Variants in TG observed in about 807,000 individuals in gnomAD.
The protein encoded by TG is thyroglobulin.
A neutral mutation model predicts 324.7 loss-of-function variants in TG; 270 were observed. That is an observed-to-expected ratio of 0.83 (90% CI 0.75 to 0.92). The LOEUF is 0.92. TG is among the 40% of genes least tolerant of loss of function. The probability of loss-of-function intolerance (pLI) is 0.00; values close to 1 mark genes in which losing one functional copy is unlikely to be tolerated. For missense variants in TG, 3,591 were observed against 3,456.4 expected (o/e 1.04, Z -0.98); for synonymous variants, 1,401 against 1,327.0 (o/e 1.06, Z -1.21).
chr8:133,097,646 T>A (rs188293179), intron 43 of TG, among the ~76,000 whole-genome samples: 39 of 152,352 alleles, frequency 2.6e-4, no homozygotes, highest in Non-Finnish European at 4.1e-4. Flanking sequence ...TGTATATTTG[T>A]ATGTTTTTCT....
chr8:133,002,376 A>G (rs1833603289), intron 35 of TG: 1 of 985,492 alleles, frequency 1.0e-6, no homozygotes, highest in East Asian at 1.1e-4. Flanking sequence ...AATATTTCAT[A>G]AATAATATCT....
At chr8:132,944,123 G>A (rs1292882172) in intron 26 of TG, among the ~76,000 whole-genome samples, 3 of 152,164 alleles carry the variant, frequency 2.0e-5, no homozygotes, top group Non-Finnish European at 4.4e-5. Flanking sequence ...AAGGGCACCT[G>A]AGCCACAGAC....
rs535926823 is a variant in TG, at chr8:132,983,459, T to C, written c.6262+47T>C. 17 of 1,535,874 alleles carry C rather than the reference T, an allele frequency of 1.1e-5. No individual in the cohort carries two copies. The African/African-American group carries it at 2.3e-4, about 21-fold the overall frequency. ...CTCTTGGATGAGAGTACCCCCTCATTCATCTTCTTTCTCCTCTTCCCCCTT... is the reference window on the plus strand; with the variant it reads ...CTCTTGGATGAGAGTACCCCCTCATCCATCTTCTTTCTCCTCTTCCCCCTT... On this transcript the variant is annotated intron_variant, in intron 35 of 47. Coordinates refer to ENST00000220616, the MANE Select transcript of TG (RefSeq NM_003235.5).
At chr8:132,997,950 T>A (rs1833037707) in intron 35 of TG, among the ~76,000 whole-genome samples, 1 of 152,116 alleles carries the variant, frequency 6.6e-6, no homozygotes, top group Non-Finnish European at 1.5e-5. Flanking sequence ...GGTTAAAGTG[T>A]TTTTCTTACA....
chr8:133,016,578 T>C (rs887368434), intron 37 of TG, among the ~76,000 whole-genome samples: 4 of 152,252 alleles, frequency 2.6e-5, no homozygotes, highest in Non-Finnish European at 2.9e-5. Context: ...CATATTTTTA[T>C]AGAAGGATCT....
intron 45 of TG, among the ~76,000 whole-genome samples, chr8:133,124,564 C>T (rs939590894): frequency 6.6e-6 from 1 of 152,194 alleles, no homozygotes; most frequent in East Asian, 1.9e-4. Context: ...ATTTCCTCAC[C>T]TTTAAAATAG....
intron 27 of TG, among the ~76,000 whole-genome samples, chr8:132,952,061 GGA>G: frequency 6.6e-6 from 1 of 152,256 alleles, no homozygotes; most frequent in Non-Finnish European, 1.5e-5. Flanking sequence ...TTTAACAACG[GGA>G]TAGATGGTTG....
intron 19 of TG, 66 bp downstream of exon 19, chr8:132,911,599 C>A: frequency 1.5e-6 from 2 of 1,374,816 alleles, no homozygotes; most frequent in Non-Finnish European, 2.1e-6. Flanking sequence ...GTTTTCTCAT[C>A]TGCCAAATGG....
chr8:132,922,562 T>C (rs900445214), intron 21 of TG, among the ~76,000 whole-genome samples: 3 of 152,236 alleles, frequency 2.0e-5, no homozygotes, highest in African/African-American at 7.2e-5. Context: ...TGGGCCTGAC[T>C]GGGCTGGGAC....
chr8:133,016,979 T>C (rs956810554), intron 37 of TG, among the ~76,000 whole-genome samples: 1 of 152,024 alleles, frequency 6.6e-6, no homozygotes, highest in Non-Finnish European at 1.5e-5. Flanking sequence ...GATTTGGACA[T>C]GAAAAAATGG....
intron 22 of TG, among the ~76,000 whole-genome samples, chr8:132,926,727 C>T (rs1002329000): frequency 7.2e-5 from 11 of 152,118 alleles, no homozygotes; most frequent in African/African-American, 2.4e-5. Flanking sequence ...GAGTGGTTAC[C>T]ATATACCATA....
chr8:133,029,910 G>C lies in TG; in HGVS notation c.7126G>C (p.Asp2376His). The C allele has an allele frequency of 6.2e-7, 1 of 1,614,220 alleles. No homozygotes were observed. Among genetic ancestry groups the C allele is most frequent in the African/African-American group, 1.3e-5 (1 of 75,062 alleles). The stretch of plus-strand genomic sequence containing the variant: ...GACCCACATCCGAGGATTTGGCGGG[G>C]ACCCTCGGCGCGTGTCCCTGGCAGC... ...VQTHIRGFGG[D>H]PRRVSLAADR... The change falls in exon 41 of 48, where the codon GAC becomes CAC. Residue 2376 changes from aspartate (D) to histidine (H), a missense_variant. Asp to His is a moderately conservative substitution (Grantham distance 81). Transcript: ENST00000220616.
intron 14 of TG, 82 bp downstream of exon 14, chr8:132,898,992 C>A: frequency 8.1e-7 from 1 of 1,228,842 alleles, no homozygotes; most frequent in South Asian, 1.3e-5. Flanking sequence ...TCAATACGTT[C>A]AGCTTAGTTA....
At chr8:133,095,452 A>C (rs1848267979) in intron 42 of TG, among the ~76,000 whole-genome samples, 1 of 152,192 alleles carries the variant, frequency 6.6e-6, no homozygotes, top group Non-Finnish European at 1.5e-5. Flanking sequence ...TATTTATAAC[A>C]TGGGAATAGT....
intron 35 of TG, chr8:133,001,906 G>T (rs1833547380): frequency 2.0e-5 from 20 of 985,402 alleles, no homozygotes; most frequent in Non-Finnish European, 2.4e-5. Context: ...CCATATTCAG[G>T]AGCAATCACT....
At chr8:133,052,221 G>A (rs1192753909) in intron 41 of TG, among the ~76,000 whole-genome samples, 1 of 152,222 alleles carries the variant, frequency 6.6e-6, no homozygotes, top group East Asian at 1.9e-4. Flanking sequence ...ACTAGAATCA[G>A]TGAGAAAGAT....
chr8:133,111,631 T>C (rs565582593), intron 43 of TG, among the ~76,000 whole-genome samples: 1 of 152,294 alleles, frequency 6.6e-6, no homozygotes, highest in South Asian at 2.1e-4. Context: ...GCGTTGTAGA[T>C]GGTAAGAGTA....
intron 35 of TG, among the ~76,000 whole-genome samples, chr8:132,999,840 C>A (rs16904801): frequency 0.038 from 5,798 of 152,244 alleles, 384 homozygotes; most frequent in African/African-American, 0.13. Context: ...TGAAGGCTTA[C>A]ATTGTCTCTG....
intron 5 of TG, among the ~76,000 whole-genome samples, chr8:132,875,546 C>A (rs1018257535): frequency 6.6e-6 from 1 of 151,512 alleles, no homozygotes; most frequent in South Asian, 2.1e-4. Context: ...TGGCACAGAG[C>A]CTTGCACACA....
Sources: gnomAD v4.1 joint callset for allele counts (sites outside exome capture counted in the v4.1 genomes callset) on GRCh38, gnomAD v4.1.1 for gene constraint, MANE v1.5 for transcripts, NCBI Gene and HGNC (gene_info 2026-07-23, HGNC 2026-07-21) for gene names.